LAPTM4B: variants seen among roughly 807,000 people sequenced by gnomAD.
The protein encoded by LAPTM4B is lysosomal-associated transmembrane protein 4B.
A neutral mutation model predicts 28.5 loss-of-function variants in LAPTM4B; 26 were observed. The ratio of observed to expected loss-of-function variants is 0.91; its 90% CI spans 0.67 to 1.27. The LOEUF (loss-of-function observed/expected upper bound fraction) is 1.27, where lower values mean the gene tolerates loss of function less well. LAPTM4B is among the 50% of genes most tolerant of loss of function. LAPTM4B has a pLI of 0.00. For synonymous variants in LAPTM4B, 109 were observed against 106.4 expected (o/e 1.02, Z -0.15); for missense variants, 288 against 285.8 (o/e 1.01, Z -0.06).
chr8:97,808,396 C>T (rs1013355170), intron 2 of LAPTM4B, among the ~76,000 whole-genome samples: 15 of 151,526 alleles, frequency 9.9e-5, no homozygotes, highest in African/African-American at 1.7e-4. Flanking sequence ...TGCAGTGAGC[C>T]GAGATCGCGC....
chr8:97,808,735 G>C (rs1158179973), intron 2 of LAPTM4B, among the ~76,000 whole-genome samples: 1 of 151,916 alleles, frequency 6.6e-6, no homozygotes, highest in Non-Finnish European at 1.5e-5. Flanking sequence ...GTGGTGGGTG[G>C]ATCACTTGAG....
At chr8:97,803,198 C>CA (rs35115865) in intron 1 of LAPTM4B, among the ~76,000 whole-genome samples, 15,547 of 146,834 alleles carry the variant, frequency 0.11, 2,437 homozygotes, top group African/African-American at 0.35. Flanking sequence ...GACTCCGTCT[C>CA]AAAAAAAAAA....
intron 2 of LAPTM4B, among the ~76,000 whole-genome samples, chr8:97,806,752 T>C (rs1387706160): frequency 6.6e-6 from 1 of 151,992 alleles, no homozygotes; most frequent in African/African-American, 2.4e-5. Context: ...AGGCCAGGAG[T>C]TCGAGACCAG....
chr8:97,803,003 AG>A (rs1340681144), intron 1 of LAPTM4B, among the ~76,000 whole-genome samples: 4 of 151,926 alleles, frequency 2.6e-5, no homozygotes, highest in South Asian at 2.1e-4. Context: ...GTTCAAGACC[AG>A]CCTGACCAAG....
At position 97,775,900 on chromosome 8, in the gene LAPTM4B, G is replaced by GGGAGCCGGAGCGGCGGA. The variant is rs1816198312; in HGVS notation, c.-101_-85dup. On this transcript the variant is annotated 5_prime_UTR_variant, in exon 1 of 7. Transcript: ENST00000521545. ...CCGCGGGCGCACGGGCGAGCGGGCCGGGAGCCGGAGCGGCGGAGGAGCCGG... is the reference window on the plus strand; with the variant it reads ...CCGCGGGCGCACGGGCGAGCGGGCCGGGAGCCGGAGCGGCGGAGGAGCCGGAGCGGCGGAGGAGCCGG... 8.9e-6 allele frequency: 13 copies of GGGAGCCGGAGCGGCGGA among 1,459,404 alleles called. No individual in the cohort carries two copies. In the East Asian group the frequency reaches 2.7e-4, roughly 30 times the overall value. The allele number at this position is 1,459,404 out of a possible 1,614,324, so 90.4% of individuals were successfully genotyped here.
At chr8:97,776,266 G>C (rs1179254769) in intron 1 of LAPTM4B, among the ~76,000 whole-genome samples, 158 bp downstream of exon 1, 1 of 152,206 alleles carries the variant, frequency 6.6e-6, no homozygotes, top group African/African-American at 2.4e-5. Context: ...CACTTCCCCC[G>C]GCTGGGCCAG....
At chr8:97,826,114 A>G (rs181663971) in intron 6 of LAPTM4B, among the ~76,000 whole-genome samples, 39 of 152,350 alleles carry the variant, frequency 2.6e-4, no homozygotes, top group African/African-American at 7.9e-4. Flanking sequence ...AAATGAGACT[A>G]AAACAGTTAC....
At chr8:97,796,744 A>G (rs1816590757) in intron 1 of LAPTM4B, among the ~76,000 whole-genome samples, 1 of 152,082 alleles carries the variant, frequency 6.6e-6, no homozygotes, top group South Asian at 2.1e-4. Flanking sequence ...GTTCGAGACC[A>G]GTCTGGCCAA....
intron 6 of LAPTM4B, among the ~76,000 whole-genome samples, chr8:97,847,793 C>G (rs1480255906): frequency 6.6e-6 from 1 of 152,126 alleles, no homozygotes; most frequent in Non-Finnish European, 1.5e-5. Context: ...GAAAGTAGTC[C>G]AAAGGCGTCA....
intron 5 of LAPTM4B, among the ~76,000 whole-genome samples, chr8:97,820,525 A>G (rs193113997): frequency 3.0e-4 from 45 of 152,248 alleles, no homozygotes; most frequent in Admixed American, 2.7e-3. Context: ...TGAGGCAGAA[A>G]ATTCATATAG....
chr8:97,786,471 A>G (rs1816403519), intron 1 of LAPTM4B, among the ~76,000 whole-genome samples: 1 of 151,528 alleles, frequency 6.6e-6, no homozygotes, highest in Admixed American at 6.6e-5. Context: ...TGGGAGGCCG[A>G]GGCGGGCAAA....
Position 97,851,648 on chromosome 8 carries a change from G to A in LAPTM4B, c.*174G>A, listed in dbSNP as rs1136594. 0.62 allele frequency: 381,415 copies of A among 615,498 alleles called. 121,314 individuals carry two copies. The highest frequency in any genetic ancestry group is 0.92 in the African/African-American group (50,040 of 54,434). The allele number at this position is 615,498 out of a possible 1,614,324, so 38.1% of individuals were successfully genotyped here. ...TGTAGTTTTCAACATATGCTTTGCT[G>A]GAACACTGTGATAGATTAACTGTAG... On this transcript the variant is annotated 3_prime_UTR_variant, in exon 7 of 7. Transcript: ENST00000521545.
chr8:97,788,750 A>G (rs1373032249), intron 1 of LAPTM4B, among the ~76,000 whole-genome samples: 2 of 150,622 alleles, frequency 1.3e-5, no homozygotes, highest in Admixed American at 1.3e-4. Context: ...GTTGGAGTGC[A>G]GTGGCTCAAG....
chr8:97,835,012 C>A (rs1817239701), intron 6 of LAPTM4B, among the ~76,000 whole-genome samples: 1 of 152,170 alleles, frequency 6.6e-6, no homozygotes, highest in Non-Finnish European at 1.5e-5. Flanking sequence ...TTACTGAAGC[C>A]TCCCTCTGAG....
intron 6 of LAPTM4B, among the ~76,000 whole-genome samples, chr8:97,829,173 C>T (rs778380658): frequency 3.9e-5 from 6 of 152,074 alleles, no homozygotes. Context: ...GGTAGGGGAG[C>T]TGCGTGGAGG....
At chr8:97,797,976 A>C (rs1816616588) in intron 1 of LAPTM4B, among the ~76,000 whole-genome samples, 1 of 152,158 alleles carries the variant, frequency 6.6e-6, no homozygotes, top group Non-Finnish European at 1.5e-5. Context: ...AACATAAAAA[A>C]ACAGACAATG....
chr8:97,788,286 C>T, intron 1 of LAPTM4B: 1 of 379,950 alleles, frequency 2.6e-6, no homozygotes, highest in Non-Finnish European at 5.2e-6. Context: ...TAATCTGAAT[C>T]CACTGGGGAA....
intron 2 of LAPTM4B, among the ~76,000 whole-genome samples, chr8:97,806,611 T>C (rs12544571): frequency 0.44 from 67,254 of 151,622 alleles, 15,340 homozygotes; most frequent in East Asian, 0.57. Flanking sequence ...TTGTATCTCC[T>C]AGAATTCCCC....
chr8:97,796,846 A>G (rs2129752231), intron 1 of LAPTM4B, among the ~76,000 whole-genome samples: 1 of 152,306 alleles, frequency 6.6e-6, no homozygotes, highest in African/African-American at 2.4e-5. Context: ...AGGCTGAGGC[A>G]GGAGATTCGC....
Sources: gnomAD v4.1 joint callset for allele counts (sites outside exome capture counted in the v4.1 genomes callset) on GRCh38, gnomAD v4.1.1 for gene constraint, MANE v1.5 for transcripts, NCBI Gene and HGNC (gene_info 2026-07-23, HGNC 2026-07-21) for gene names.